The following ADCY5 variants were observed in gnomAD, a reference collection of about 807,000 sequenced individuals.
ADCY5 encodes adenylate cyclase type 5.
A neutral mutation model predicts 119.7 loss-of-function variants in ADCY5; 30 were observed. The observed-to-expected ratio is 0.25, with a 90% confidence interval of 0.19 to 0.34. ADCY5 has a LOEUF of 0.34. Among genes scored for constraint, ADCY5 ranks in the 10% least tolerant of loss-of-function variants. The pLI is 1.00. For synonymous variants in ADCY5, 753 were observed against 762.2 expected, an observed-to-expected ratio of 0.99 and a Z score of 0.20; for missense variants, 1,324 against 1,775.2, an observed-to-expected ratio of 0.75 and a Z score of 4.57.
chr3:123,419,215 GCA>G (rs1415621952), intron 1 of ADCY5: 33 of 985,302 alleles, frequency 3.3e-5, no homozygotes, highest in Non-Finnish European at 4.0e-5. Flanking sequence ...CATCTGACGA[GCA>G]CACAGTCAGG....
Position 123,284,276 on chromosome 3 carries a change from G to A in ADCY5, c.*332C>T. The A allele has an allele frequency of 3.6e-6, 1 of 276,124 alleles. No individual in the cohort carries two copies. The highest frequency in any genetic ancestry group is 7.0e-6 in the Non-Finnish European group (1 of 143,142). The allele number at this position is 276,124 out of a possible 1,614,324, so 17.1% of individuals were successfully genotyped here. Reference sequence around the variant, plus strand: ...GCCCCTCAGCCCTGCCCTTGTCTGGGCCGTGCCACACACACATTCCCACGG... The same window carrying A: ...GCCCCTCAGCCCTGCCCTTGTCTGGACCGTGCCACACACACATTCCCACGG... On this transcript the variant is annotated 3_prime_UTR_variant, in exon 21 of 21. Transcript: ENST00000462833.
chr3:123,352,900 T>C lies in ADCY5; in HGVS notation c.1135-319A>G, dbSNP rs1484408254. ...ATGTACTGTGACAGAGCTGTGTGTG[T>C]GCTCGGGGCAGGAGGGCCACTGCAA... On this transcript the variant is annotated intron_variant, in intron 1 of 20. Transcript: ENST00000462833. The surrounding 1 kb of genome is among the most constrained non-coding windows in gnomAD (Gnocchi z 4.8). Among the ~76,000 whole-genome samples, 2 of 152,150 alleles carry C rather than the reference T, an allele frequency of 1.3e-5. No individual in the cohort carries two copies. The highest frequency in any genetic ancestry group is 2.9e-5 in the Non-Finnish European group (2 of 68,022).
chr3:123,346,824 T>A (rs1332757632), intron 3 of ADCY5, among the ~76,000 whole-genome samples: 5 of 152,154 alleles, frequency 3.3e-5, no homozygotes. Flanking sequence ...ACACAGCAGC[T>A]CCTTTTCTGG....
chr3:123,355,567 C>T (rs1043154352), intron 1 of ADCY5, among the ~76,000 whole-genome samples: 4 of 151,770 alleles, frequency 2.6e-5, no homozygotes, highest in Non-Finnish European at 5.9e-5. Context: ...GAACCAATGC[C>T]CTGTGAATAC....
chr3:123,403,647 T>G (rs62262406), intron 1 of ADCY5, among the ~76,000 whole-genome samples: 1 of 151,874 alleles, frequency 6.6e-6, no homozygotes, highest in Non-Finnish European at 1.5e-5. Context: ...CCAATCCCCC[T>G]CAACACCACT....
intron 3 of ADCY5, among the ~76,000 whole-genome samples, chr3:123,337,758 C>T (rs1942089247): frequency 6.6e-6 from 1 of 152,246 alleles, no homozygotes; most frequent in Admixed American, 6.5e-5. Context: ...CCAAATAAAA[C>T]TACATTCACA....
In ADCY5 at chr3:123,448,617, G is replaced by A; in HGVS notation, c.-72C>T. 10 of 1,248,824 alleles carry A rather than the reference G, an allele frequency of 8.0e-6. No individual in the cohort carries two copies. The highest frequency in any genetic ancestry group is 1.0e-5 in the Non-Finnish European group (10 of 994,474). The allele number at this position is 1,248,824 out of a possible 1,614,324, so 77.4% of individuals were successfully genotyped here. A position where few individuals can be genotyped will look rare whatever the true frequency, so the allele number is the denominator to read the frequency against. ...GCCGGGGGTCTCCAAGGGGAGGGCG[G>A]ACGGCCGAGCAGGGGGACCAGGCTA... On this transcript the variant is annotated 5_prime_UTR_variant, in exon 1 of 21. Transcript: ENST00000462833.
intron 17 of ADCY5, among the ~76,000 whole-genome samples, chr3:123,294,333 AG>A (rs1939356522): frequency 6.6e-6 from 1 of 152,234 alleles, no homozygotes. Flanking sequence ...AGATTTGCTG[AG>A]GATCAGAAAA....
At chr3:123,429,235 C>T (rs1945471651) in intron 1 of ADCY5, among the ~76,000 whole-genome samples, 1 of 152,256 alleles carries the variant, frequency 6.6e-6, no homozygotes, top group Admixed American at 6.5e-5. Flanking sequence ...CCTGTTTCCT[C>T]TCCATGCCCA....
Position 123,284,441 on chromosome 3 carries a change from C to T in ADCY5, c.*167G>A. The T allele has an allele frequency of 1.8e-6, 2 of 1,112,828 alleles. No homozygotes were observed. The highest frequency in any genetic ancestry group is 2.5e-6 in the Non-Finnish European group (2 of 800,846). 68.9% of individuals were successfully genotyped at this position (1,112,828 alleles called of 1,614,324 possible). A position where few individuals can be genotyped will look rare whatever the true frequency, so the allele number is the denominator to read the frequency against. On this transcript the variant is annotated 3_prime_UTR_variant, in exon 21 of 21. Transcript: ENST00000462833. ...GGCACCCCGGGGCCTGGGACAGAGGCCGCTGCCCACCAGCAAAGGCAGAAG... is the reference window on the plus strand; with the variant it reads ...GGCACCCCGGGGCCTGGGACAGAGGTCGCTGCCCACCAGCAAAGGCAGAAG...
intron 1 of ADCY5, among the ~76,000 whole-genome samples, chr3:123,410,279 C>T (rs1472664419): frequency 6.6e-6 from 1 of 152,166 alleles, no homozygotes; most frequent in Non-Finnish European, 1.5e-5. Flanking sequence ...ACAAAGACTC[C>T]CTCCAGGGCA....
intron 1 of ADCY5, among the ~76,000 whole-genome samples, chr3:123,384,639 C>A (rs552828036): frequency 6.6e-6 from 1 of 152,178 alleles, no homozygotes; most frequent in African/African-American, 2.4e-5. Context: ...AATTTCACTA[C>A]GCCCACAGAT....
chr3:123,340,348 C>G (rs577305129), intron 3 of ADCY5, among the ~76,000 whole-genome samples: 3 of 152,104 alleles, frequency 2.0e-5, no homozygotes, highest in African/African-American at 7.2e-5. Flanking sequence ...AAAAACAAAT[C>G]ACATTCTTCT....
At chr3:123,297,138 A>C in intron 16 of ADCY5, 1 of 1,414,286 alleles carries the variant, frequency 7.1e-7, no homozygotes, top group Non-Finnish European at 9.7e-7. Flanking sequence ...CAGAGACTAC[A>C]GATCACCTTG....
chr3:123,305,735 C>A (rs1237940616), intron 12 of ADCY5, among the ~76,000 whole-genome samples: 1 of 152,226 alleles, frequency 6.6e-6, no homozygotes, highest in Non-Finnish European at 1.5e-5. Flanking sequence ...ACCCCTGGGT[C>A]TTGGGCTTGG....
rs779319436 is a variant in ADCY5 at position 123,314,328 on chromosome 3, A to G, written c.2355-6T>C. 1 of 1,606,472 alleles carries G rather than the reference A, an allele frequency of 6.2e-7. No homozygotes were observed. Among genetic ancestry groups the G allele is most frequent in the Non-Finnish European group, 8.5e-7 (1 of 1,174,010 alleles). ...AGCTGAGCATGAATATGGAGCTGGAAGGAGAGAGGAGGGGAGGGAGAAGCC... is the reference window on the plus strand; with the variant it reads ...AGCTGAGCATGAATATGGAGCTGGAGGGAGAGAGGAGGGGAGGGAGAAGCC... On this transcript the variant is annotated splice_region_variant and splice_polypyrimidine_tract_variant and intron_variant, in intron 11 of 20. Transcript: ENST00000462833.
chr3:123,388,601 A>T (rs1370363518), intron 1 of ADCY5, among the ~76,000 whole-genome samples: 3 of 152,182 alleles, frequency 2.0e-5, no homozygotes, highest in Non-Finnish European at 4.4e-5. Flanking sequence ...GATGGACAAA[A>T]TGAGCTGGAA....
intron 1 of ADCY5, among the ~76,000 whole-genome samples, chr3:123,405,520 G>A (rs552644143): frequency 6.6e-6 from 1 of 152,350 alleles, no homozygotes; most frequent in East Asian, 1.9e-4. Context: ...GGAGGGGAGA[G>A]GTGCCTCCTG....
intron 1 of ADCY5, among the ~76,000 whole-genome samples, chr3:123,443,734 G>A (rs554764466): frequency 2.4e-4 from 37 of 152,330 alleles, no homozygotes; most frequent in African/African-American, 8.7e-4. Flanking sequence ...GTCCCACACT[G>A]CAGGGAAAAC....
Sources: gnomAD v4.1 joint callset for allele counts (sites outside exome capture counted in the v4.1 genomes callset) on GRCh38, gnomAD v4.1.1 for gene constraint, Gnocchi (gnomAD v3.1) non-coding constraint, MANE v1.5 for transcripts, NCBI Gene and HGNC (gene_info 2026-07-23, HGNC 2026-07-21) for gene names.